The following SLC35F4 variants were observed in gnomAD, a reference collection of about 807,000 sequenced individuals.
The protein encoded by SLC35F4 is solute carrier family 35 member F4, also known as chromosome 14 open reading frame 36.
SLC35F4 carries 24 observed loss-of-function variants against 44.2 expected under a neutral mutation model. That is an observed-to-expected ratio of 0.54 (90% CI 0.39 to 0.76). SLC35F4 has a LOEUF of 0.76. SLC35F4 is among the 30% of genes least tolerant of loss of function. SLC35F4 has a pLI of 0.00. For missense variants in SLC35F4, 562 were observed against 586.1 expected, an observed-to-expected ratio of 0.96 and a Z score of 0.42; for synonymous variants, 238 against 223.6, an observed-to-expected ratio of 1.06 and a Z score of -0.57.
intron 1 of SLC35F4, among the ~76,000 whole-genome samples, chr14:57,952,432 A>C (rs1890158544): frequency 6.6e-6 from 1 of 152,166 alleles, no homozygotes; most frequent in Admixed American, 6.5e-5. Context: ...TGGATGGAGA[A>C]TGAGTTTGAC....
chr14:57,600,284 T>C (rs1469593174), intron 1 of SLC35F4, among the ~76,000 whole-genome samples: 5 of 152,202 alleles, frequency 3.3e-5, no homozygotes, highest in Non-Finnish European at 7.3e-5. Flanking sequence ...GACTAAGATA[T>C]TATAATCACT....
chr14:57,948,824 T>C (rs1037702338), intron 1 of SLC35F4, among the ~76,000 whole-genome samples: 2 of 152,176 alleles, frequency 1.3e-5, no homozygotes, highest in Non-Finnish European at 2.9e-5. Context: ...TTATTTAATT[T>C]CCATGTATTT....
chr14:57,719,258 G>C (rs1195335079), intron 1 of SLC35F4, among the ~76,000 whole-genome samples: 1 of 152,136 alleles, frequency 6.6e-6, no homozygotes, highest in Non-Finnish European at 1.5e-5. Flanking sequence ...GTAATTTGAA[G>C]TCAGGTAATG....
chr14:57,763,991 CTGT>C (rs2077181580), intron 1 of SLC35F4, among the ~76,000 whole-genome samples: 1 of 152,172 alleles, frequency 6.6e-6, no homozygotes, highest in Non-Finnish European at 1.5e-5. Context: ...TCATCTGTAT[CTGT>C]TGAAACACAT....
chr14:57,791,113 CA>C (rs2077906410), intron 1 of SLC35F4, among the ~76,000 whole-genome samples: 2 of 152,128 alleles, frequency 1.3e-5, no homozygotes, highest in Admixed American at 1.3e-4. Context: ...GCAATGGCAA[CA>C]AAAGCCAAAA....
In SLC35F4 at chr14:57,569,885, GA is replaced by G. The variant is rs1349448589; in HGVS notation, c.1028del (p.Phe343SerfsTer39). ...LGFFNLIFIS[F>X]TPVILYFTKV... is the part of the protein sequence containing the mutation. ...TGGTGAAATACAAGATGACTGGGGT[GA>G]AGGAGATGAAGATCAAATTGAAGAA... On this transcript the variant is annotated frameshift_variant, in exon 6 of 8. Coordinates refer to ENST00000556826, the MANE Select transcript of SLC35F4 (RefSeq NM_001306087.2). LOFTEE classifies it high-confidence loss of function. 1 of 1,612,516 alleles carries G rather than the reference GA, an allele frequency of 6.2e-7. No homozygotes were observed. The highest frequency in any genetic ancestry group is 2.2e-5 in the East Asian group (1 of 44,774).
chr14:57,723,931 G>C (rs1566796771), intron 1 of SLC35F4, among the ~76,000 whole-genome samples: 1 of 152,160 alleles, frequency 6.6e-6, no homozygotes, highest in African/African-American at 2.4e-5. Context: ...CTAAAATTCA[G>C]GGATCTTCTA....
chr14:57,669,759 C>T (rs920576221), intron 1 of SLC35F4, among the ~76,000 whole-genome samples: 2 of 151,980 alleles, frequency 1.3e-5, no homozygotes, highest in African/African-American at 2.4e-5. Flanking sequence ...ATTTTTGCAT[C>T]AATGTTCACC....
At chr14:57,907,259 T>A (rs774608122) in intron 1 of SLC35F4, among the ~76,000 whole-genome samples, 1 of 152,212 alleles carries the variant, frequency 6.6e-6, no homozygotes, top group Admixed American at 6.5e-5. Context: ...ATAATGCTAT[T>A]GTACACTTTA....
At chr14:57,873,184 TC>T (rs1888329959) in intron 1 of SLC35F4, among the ~76,000 whole-genome samples, 1 of 152,086 alleles carries the variant, frequency 6.6e-6, no homozygotes, top group Non-Finnish European at 1.5e-5. Context: ...ACTTCGTATG[TC>T]CCCCTGGCTA....
chr14:57,912,567 T>C (rs1488891572), intron 1 of SLC35F4, among the ~76,000 whole-genome samples: 1 of 152,002 alleles, frequency 6.6e-6, no homozygotes, highest in East Asian at 1.9e-4. Context: ...TCTAAATATT[T>C]TGGGTTTTTC....
chr14:57,599,500 C>T (rs1036786071), intron 1 of SLC35F4, among the ~76,000 whole-genome samples: 6 of 152,242 alleles, frequency 3.9e-5, no homozygotes, highest in South Asian at 4.2e-4. Flanking sequence ...GGTTTAACTA[C>T]AGCTCTTACT....
chr14:57,859,880 C>T (rs1341893392), intron 1 of SLC35F4, among the ~76,000 whole-genome samples: 1 of 152,114 alleles, frequency 6.6e-6, no homozygotes, highest in Non-Finnish European at 1.5e-5. Context: ...AGCTGAAATG[C>T]ATAATGAGAA....
At chr14:57,677,916 C>A (rs2074754699) in intron 1 of SLC35F4, among the ~76,000 whole-genome samples, 1 of 151,998 alleles carries the variant, frequency 6.6e-6, no homozygotes. Context: ...GGCAGCATCA[C>A]TAGTAATCAA....
At chr14:57,930,028 A>ATT (rs1192467310) in intron 1 of SLC35F4, among the ~76,000 whole-genome samples, 2 of 152,202 alleles carry the variant, frequency 1.3e-5, no homozygotes, top group South Asian at 2.1e-4. Context: ...GATTGGCCAT[A>ATT]TTTTTCACCT....
intron 1 of SLC35F4, among the ~76,000 whole-genome samples, chr14:57,778,963 T>G (rs1244861277): frequency 6.6e-6 from 1 of 152,080 alleles, no homozygotes; most frequent in Non-Finnish European, 1.5e-5. Flanking sequence ...TCTTGGACAC[T>G]GATAAAGCAG....
rs543703452 is a variant in SLC35F4, at chr14:57,747,793, A to G, written c.103+117930T>C. Among the ~76,000 whole-genome samples, 11 of 152,348 alleles carry G rather than the reference A, an allele frequency of 7.2e-5. No individual in the cohort carries two copies. In the South Asian group the frequency reaches 2.3e-3, roughly 32 times the overall value. On this transcript the variant is annotated intron_variant, in intron 1 of 7. Coordinates refer to ENST00000556826, the MANE Select transcript of SLC35F4 (RefSeq NM_001306087.2). ...CCAACTACTTTTTGCATAATTATAT[A>G]CAAGTTAATTGTATAAAAGCTGACA...
rs139393968 is a variant in SLC35F4 at position 57,944,087 on chromosome 14, A to G, written n.282+37826T>C. On this transcript the variant is annotated intron_variant and non_coding_transcript_variant, in intron 1 of 1. Transcript: ENST00000556568. ...TTGTCCTCCACACGAGCTCCACACC[A>G]ATTTCTGTCACATTCTTGTGATTGC... 4.9e-3 allele frequency among the ~76,000 whole-genome samples: 750 copies of G among 152,188 alleles called. 7 individuals are homozygous for G. Among genetic ancestry groups the G allele is most frequent in the African/African-American group, 0.017 (722 of 41,522 alleles).
intron 1 of SLC35F4, among the ~76,000 whole-genome samples, chr14:57,946,025 T>TC (rs1410025696): frequency 6.6e-6 from 1 of 152,198 alleles, no homozygotes; most frequent in Non-Finnish European, 1.5e-5. Flanking sequence ...TGGATATTAG[T>TC]CCTTTGTTGG....
Sources: allele counts gnomAD v4.1 joint callset (sites outside exome capture counted in the v4.1 genomes callset), GRCh38; gene constraint gnomAD v4.1.1; transcripts MANE v1.5; gene names NCBI Gene and HGNC (gene_info 2026-07-23, HGNC 2026-07-21).